THSD7A: variants seen among roughly 807,000 people sequenced by gnomAD.
THSD7A encodes the protein thrombospondin type-1 domain-containing protein 7A.
A neutral mutation model predicts 231.3 loss-of-function variants in THSD7A; 96 were observed. The observed-to-expected ratio is 0.41, with a 90% CI of 0.35 to 0.49. The LOEUF (loss-of-function observed/expected upper bound fraction) is 0.49, where lower values mean the gene tolerates loss of function less well. Among genes scored for constraint, THSD7A ranks in the 20% least tolerant of loss-of-function variants. The pLI, the probability that THSD7A is intolerant of heterozygous loss-of-function variation, is 0.05. For synonymous variants in THSD7A, 940 were observed against 743.3 expected (o/e 1.26, Z -4.30); for missense variants, 2,290 against 2,070.2 (o/e 1.11, Z -2.06).
At chr7:11,487,005 T>C (rs1033192043) in intron 6 of THSD7A, among the ~76,000 whole-genome samples, 1 of 152,202 alleles carries the variant, frequency 6.6e-6, no homozygotes, top group Non-Finnish European at 1.5e-5. Context: ...AAACTCAAAA[T>C]GAGATTTAAA....
At chr7:11,413,382 G>A (rs1219071899) in intron 17 of THSD7A, among the ~76,000 whole-genome samples, 1 of 151,958 alleles carries the variant, frequency 6.6e-6, no homozygotes, top group Non-Finnish European at 1.5e-5. Flanking sequence ...TGAAAACTGA[G>A]TTCTCGGCCT....
chr7:11,425,049 G>C (rs539198918), intron 15 of THSD7A, among the ~76,000 whole-genome samples: 8 of 152,160 alleles, frequency 5.3e-5, no homozygotes, highest in African/African-American at 1.9e-4. Context: ...TACATTGCAG[G>C]TGTAAATCTG....
At chr7:11,638,147 C>T (rs986829982) in intron 1 of THSD7A, among the ~76,000 whole-genome samples, 9 of 152,096 alleles carry the variant, frequency 5.9e-5, no homozygotes, top group Admixed American at 2.6e-4. Context: ...TAGTTTTATT[C>T]ACATGGGGAT....
chr7:11,807,730 G>A (rs1239834932), intron 1 of THSD7A, among the ~76,000 whole-genome samples: 1 of 152,180 alleles, frequency 6.6e-6, no homozygotes, highest in Non-Finnish European at 1.5e-5. Context: ...AACACCTAAA[G>A]CTTAGCCTCA....
chr7:11,739,249 T>C (rs1036260341), intron 1 of THSD7A, among the ~76,000 whole-genome samples: 3 of 152,024 alleles, frequency 2.0e-5, no homozygotes, highest in African/African-American at 7.2e-5. Flanking sequence ...TAAATTTAGA[T>C]AGCTTTAATA....
chr7:11,624,032 T>C (rs943486879), intron 2 of THSD7A, among the ~76,000 whole-genome samples: 1 of 152,318 alleles, frequency 6.6e-6, no homozygotes, highest in South Asian at 2.1e-4. Flanking sequence ...TCCCAGCATT[T>C]TGCCATTTAT....
chr7:11,765,436 G>A (rs1783001725), intron 1 of THSD7A, among the ~76,000 whole-genome samples: 1 of 152,104 alleles, frequency 6.6e-6, no homozygotes, highest in South Asian at 2.1e-4. Flanking sequence ...TAGGTTACCA[G>A]GTGCCTATGA....
At chr7:11,775,844 T>C (rs1783388382) in intron 1 of THSD7A, among the ~76,000 whole-genome samples, 1 of 152,190 alleles carries the variant, frequency 6.6e-6, no homozygotes. Context: ...GTGTTATGAA[T>C]ATTTTACTGT....
chr7:11,554,466 A>T (rs564291584), intron 4 of THSD7A, among the ~76,000 whole-genome samples: 17 of 152,178 alleles, frequency 1.1e-4, no homozygotes, highest in Non-Finnish European at 2.4e-4. Flanking sequence ...TGTTATTAAG[A>T]TGAGGATGTT....
At chr7:11,798,073 A>G (rs1442483399) in intron 1 of THSD7A, among the ~76,000 whole-genome samples, 1 of 152,180 alleles carries the variant, frequency 6.6e-6, no homozygotes, top group Non-Finnish European at 1.5e-5. Context: ...GAATTAATGC[A>G]CAGTAGGATT....
At chr7:11,732,654 C>A (rs754823975) in intron 1 of THSD7A, among the ~76,000 whole-genome samples, 2 of 151,770 alleles carry the variant, frequency 1.3e-5, no homozygotes, top group Non-Finnish European at 2.9e-5. Context: ...ACCACCACCA[C>A]AATAGCAAAT....
At chr7:11,827,273 T>C (rs1055215866) in intron 1 of THSD7A, among the ~76,000 whole-genome samples, 1 of 152,174 alleles carries the variant, frequency 6.6e-6, no homozygotes, top group Non-Finnish European at 1.5e-5. Flanking sequence ...ACCACTTAGT[T>C]ATTCAACTTT....
intron 1 of THSD7A, among the ~76,000 whole-genome samples, chr7:11,774,824 G>A (rs1194359934): frequency 6.6e-6 from 1 of 152,208 alleles, no homozygotes; most frequent in Non-Finnish European, 1.5e-5. Context: ...GGAGGACGAG[G>A]TGGACAAATC....
intron 1 of THSD7A, among the ~76,000 whole-genome samples, chr7:11,701,253 A>T (rs1780591359): frequency 6.6e-6 from 1 of 151,172 alleles, no homozygotes; most frequent in African/African-American, 2.4e-5. Context: ...TAGTAAATCC[A>T]TTATCAGAGC....
intron 1 of THSD7A, among the ~76,000 whole-genome samples, chr7:11,809,861 G>A (rs1784484045): frequency 6.6e-6 from 1 of 152,122 alleles, no homozygotes; most frequent in Non-Finnish European, 1.5e-5. Context: ...AAGATAAATA[G>A]AGCTGAGAAT....
intron 1 of THSD7A, among the ~76,000 whole-genome samples, chr7:11,685,823 A>C (rs1358789476): frequency 6.6e-6 from 1 of 151,984 alleles, no homozygotes; most frequent in Non-Finnish European, 1.5e-5. Context: ...TTCTCAAAGA[A>C]CTAAAAATAG....
At chr7:11,694,762 C>A (rs1329338125) in intron 1 of THSD7A, among the ~76,000 whole-genome samples, 1 of 151,532 alleles carries the variant, frequency 6.6e-6, no homozygotes, top group Non-Finnish European at 1.5e-5. Flanking sequence ...GCTTCCTATT[C>A]CAACATTTTT....
At chr7:11,456,532 A>G (rs1364413235) in intron 11 of THSD7A, among the ~76,000 whole-genome samples, 1 of 152,028 alleles carries the variant, frequency 6.6e-6, no homozygotes, top group Non-Finnish European at 1.5e-5. Context: ...AATTCCAGGG[A>G]TTTTCTGATC....
At chr7:11,790,993 T>C (rs904990226) in intron 1 of THSD7A, among the ~76,000 whole-genome samples, 4 of 151,976 alleles carry the variant, frequency 2.6e-5, no homozygotes, top group Admixed American at 6.6e-5. Flanking sequence ...TGCAATCATA[T>C]TCATGGTATT....
Sources: allele counts gnomAD v4.1 joint callset (sites outside exome capture counted in the v4.1 genomes callset), GRCh38; gene constraint gnomAD v4.1.1; transcripts MANE v1.5; gene names NCBI Gene and HGNC (gene_info 2026-07-23, HGNC 2026-07-21).